Variants in MAP2K6 observed in about 807,000 individuals in gnomAD.
MAP2K6 encodes dual specificity mitogen-activated protein kinase kinase 6.
A neutral mutation model predicts 53.7 loss-of-function variants in MAP2K6; 16 were observed. The ratio of observed to expected loss-of-function variants is 0.30; its 90% CI spans 0.20 to 0.45. The LOEUF is 0.45. MAP2K6 is among the 20% of genes least tolerant of loss of function. The pLI, the probability that MAP2K6 is intolerant of heterozygous loss-of-function variation, is 1.00. For missense variants in MAP2K6, 204 were observed against 411.9 expected (o/e 0.50, Z 4.37); for synonymous variants, 132 against 143.1 (o/e 0.92, Z 0.55).
At chr17:69,485,843 T>C (rs9302900) in intron 1 of MAP2K6, among the ~76,000 whole-genome samples, 37,449 of 152,076 alleles carry the variant, frequency 0.25, 4,792 homozygotes, top group Non-Finnish European at 0.28. Flanking sequence ...TTTCTTGGCT[T>C]GACAGTTGCT....
chr17:69,436,778 A>C (rs1210906597), intron 1 of MAP2K6, among the ~76,000 whole-genome samples: 1 of 151,462 alleles, frequency 6.6e-6, no homozygotes, highest in Non-Finnish European at 1.5e-5. Flanking sequence ...CTTTGCATAT[A>C]ATTTTTTTCT....
rs1265648127 is a variant in MAP2K6 at position 69,548,736 on chromosome 17, T to G, written c.*6983T>G. 1 of 152,194 alleles carries G rather than the reference T, an allele frequency of 6.6e-6. No individual in the cohort carries two copies. Among genetic ancestry groups the G allele is most frequent in the Non-Finnish European group, 1.5e-5 (1 of 68,030 alleles). 9.4% of individuals were successfully genotyped at this position (152,194 alleles called of 1,614,324 possible). ...TCACTACCTGTTCCTGGTGACTACA[T>G]AGAAGATGTGTTATTTTTCTGAGGT... On this transcript the variant is annotated 3_prime_UTR_variant, in exon 12 of 12. Transcript: ENST00000590474.
chr17:69,466,561 C>G (rs923755190), intron 1 of MAP2K6, among the ~76,000 whole-genome samples: 1 of 152,200 alleles, frequency 6.6e-6, no homozygotes, highest in South Asian at 2.1e-4. Context: ...GGCACTGCAT[C>G]CCCTCCAGTG....
At chr17:69,460,742 A>G (rs1264546690) in intron 1 of MAP2K6, among the ~76,000 whole-genome samples, 1 of 152,160 alleles carries the variant, frequency 6.6e-6, no homozygotes, top group African/African-American at 2.4e-5. Context: ...CTGGAACTAC[A>G]GGGGTGTGCC....
At chr17:69,452,192 G>T (rs997708663) in intron 1 of MAP2K6, among the ~76,000 whole-genome samples, 1 of 151,442 alleles carries the variant, frequency 6.6e-6, no homozygotes, top group Admixed American at 6.6e-5. Flanking sequence ...GGGGTAGGGG[G>T]AGGGTGTTAC....
At chr17:69,510,202 A>G (rs1443424691) in intron 2 of MAP2K6, among the ~76,000 whole-genome samples, 4 of 152,156 alleles carry the variant, frequency 2.6e-5, no homozygotes, top group African/African-American at 4.8e-5. Context: ...CTCTGCATCA[A>G]TTGATATGAT....
chr17:69,515,822 A>G (rs72855578), intron 2 of MAP2K6, among the ~76,000 whole-genome samples: 5,292 of 152,302 alleles, frequency 0.035, 263 homozygotes, highest in African/African-American at 0.1. Flanking sequence ...CTGTCCATCT[A>G]TAAAAGAAGG....
At chr17:69,500,304 G>A (rs531755562) in intron 1 of MAP2K6, among the ~76,000 whole-genome samples, 8 of 151,984 alleles carry the variant, frequency 5.3e-5, no homozygotes, top group Admixed American at 2.0e-4. Context: ...GGCGGGTGGG[G>A]TGGCACGTGC....
At chr17:69,534,329 CT>C (rs1911243465) in intron 10 of MAP2K6, among the ~76,000 whole-genome samples, 1 of 152,306 alleles carries the variant, frequency 6.6e-6, no homozygotes, top group Admixed American at 6.5e-5. Context: ...GTTAATTCCT[CT>C]TTCTAATGCG....
At chr17:69,483,090 T>C (rs1287923861) in intron 1 of MAP2K6, among the ~76,000 whole-genome samples, 2 of 151,972 alleles carry the variant, frequency 1.3e-5, no homozygotes, top group African/African-American at 4.8e-5. Context: ...GTGTTAAACA[T>C]TGTACTGCTA....
chr17:69,479,983 G>A (rs1006426333), intron 1 of MAP2K6, among the ~76,000 whole-genome samples: 7 of 152,054 alleles, frequency 4.6e-5, no homozygotes, highest in Admixed American at 3.3e-4. Context: ...TGATCCACCC[G>A]GCTTGGCCTC....
rs143141566 is a variant in MAP2K6 at position 69,500,889 on chromosome 17, T to C, written c.17-4891T>C. Among the ~76,000 whole-genome samples the C allele has an allele frequency of 2.2e-4, 34 of 152,364 alleles. 1 individual carries two copies. The highest frequency in any genetic ancestry group is 7.2e-4 in the Admixed American group (11 of 15,304). On this transcript the variant is annotated intron_variant, in intron 1 of 11. Coordinates refer to ENST00000590474, the MANE Select transcript of MAP2K6 (RefSeq NM_002758.4). The stretch of plus-strand genomic sequence containing the variant: ...CCAGTGGTTTTGGAAGATTGGAGGA[T>C]GGCAGAGTCCCTGTTCACTTTTACA...
intron 1 of MAP2K6, among the ~76,000 whole-genome samples, chr17:69,474,855 A>G (rs1908090358): frequency 6.6e-6 from 1 of 152,150 alleles, no homozygotes; most frequent in Non-Finnish European, 1.5e-5. Context: ...TTATTCCTTC[A>G]GGGACTCCTG....
At position 69,505,773 on chromosome 17, in the gene MAP2K6, C is replaced by T; in HGVS notation, c.17-7C>T. 1 of 1,612,608 alleles carries T rather than the reference C, an allele frequency of 6.2e-7. No homozygotes were observed. Among genetic ancestry groups the T allele is most frequent in the Admixed American group, 1.7e-5 (1 of 59,984 alleles). ...CCTTAACTTTTTCCTTTTGTCTTTC[C>T]CCATAGGCAAGAAGCGAAACCCTGG... On this transcript the variant is annotated splice_polypyrimidine_tract_variant and splice_region_variant and intron_variant, in intron 1 of 11. Coordinates refer to ENST00000590474, the MANE Select transcript of MAP2K6 (RefSeq NM_002758.4).
chr17:69,505,442 C>CAAAA (rs33993512), intron 1 of MAP2K6: 10 of 115,750 alleles, frequency 8.6e-5, no homozygotes, highest in East Asian at 2.8e-4. Flanking sequence ...GACTCTGTCT[C>CAAAA]AAAAAAAAAA....
chr17:69,469,635 C>T (rs1032842290), intron 1 of MAP2K6, among the ~76,000 whole-genome samples: 10 of 151,888 alleles, frequency 6.6e-5, no homozygotes, highest in East Asian at 1.9e-4. Context: ...TGGTGGTAGG[C>T]GCCTGTAATC....
At chr17:69,460,128 G>A (rs1159973967) in intron 1 of MAP2K6, among the ~76,000 whole-genome samples, 1 of 152,108 alleles carries the variant, frequency 6.6e-6, no homozygotes, top group East Asian at 1.9e-4. Flanking sequence ...ATAGAGCAAT[G>A]AAACAAAAGT....
At chr17:69,446,326 A>G (rs1319493784) in intron 1 of MAP2K6, among the ~76,000 whole-genome samples, 1 of 152,246 alleles carries the variant, frequency 6.6e-6, no homozygotes, top group Non-Finnish European at 1.5e-5. Flanking sequence ...CTGGATTTAC[A>G]TTAGTCAACA....
chr17:69,485,755 C>T (rs1210393927), intron 1 of MAP2K6, among the ~76,000 whole-genome samples: 2 of 152,180 alleles, frequency 1.3e-5, no homozygotes, highest in Non-Finnish European at 2.9e-5. Flanking sequence ...CTTGATCCCA[C>T]GTTGTCCCTT....
Sources: gnomAD v4.1 joint callset for allele counts (sites outside exome capture counted in the v4.1 genomes callset) on GRCh38, gnomAD v4.1.1 for gene constraint, MANE v1.5 for transcripts, NCBI Gene and HGNC (gene_info 2026-07-23, HGNC 2026-07-21) for gene names.